SLC23A2: variants seen among roughly 807,000 people sequenced by gnomAD.
The protein encoded by SLC23A2 is Na(+)/L-ascorbic acid transporter 2.
Under a neutral mutation model 73.3 loss-of-function variants are expected in SLC23A2, and 36 were observed. The observed-to-expected ratio is 0.49, with a 90% confidence interval of 0.38 to 0.65. The LOEUF (loss-of-function observed/expected upper bound fraction) is 0.65. SLC23A2 is among the 30% of genes least tolerant of loss of function. The pLI, the probability that SLC23A2 is intolerant of heterozygous loss-of-function variation, is 0.00. For synonymous variants in SLC23A2, 343 were observed against 327.3 expected (o/e 1.05, Z -0.52); for missense variants, 507 against 841.6 (o/e 0.60, Z 4.92).
At chr20:4,879,557 T>C (rs1306064052) in intron 9 of SLC23A2, among the ~76,000 whole-genome samples, 1 of 151,908 alleles carries the variant, frequency 6.6e-6, no homozygotes, top group East Asian at 1.9e-4. Context: ...AAATCTACCC[T>C]GTAGTCCCAG....
At chr20:4,905,909 T>G (rs1483247638) in intron 4 of SLC23A2, among the ~76,000 whole-genome samples, 1 of 152,254 alleles carries the variant, frequency 6.6e-6, no homozygotes, top group Non-Finnish European at 1.5e-5. Context: ...CAAATTTGGC[T>G]TGCCAACCCC....
At position 4,943,698 on chromosome 20, in the gene SLC23A2, T is replaced by C. The variant is rs960338331; in HGVS notation, c.-154-10982A>G. Among the ~76,000 whole-genome samples the C allele has an allele frequency of 2.0e-5, 3 of 149,068 alleles. 1 individual carries two copies. The highest frequency in any genetic ancestry group is 4.4e-5 in the Non-Finnish European group (3 of 67,510). Reference sequence around the variant, plus strand: ...TCAAAAAAAAAAAAAAAAAGACAGATTTCTTTCACACAAATACATGTAAGA... The same window carrying C: ...TCAAAAAAAAAAAAAAAAAGACAGACTTCTTTCACACAAATACATGTAAGA... On this transcript the variant is annotated intron_variant, in intron 2 of 16. Coordinates refer to ENST00000338244, the MANE Select transcript of SLC23A2 (RefSeq NM_005116.6).
At chr20:4,925,737 T>C (rs1932649814) in intron 3 of SLC23A2, among the ~76,000 whole-genome samples, 1 of 152,156 alleles carries the variant, frequency 6.6e-6, no homozygotes, top group Admixed American at 6.5e-5. Flanking sequence ...GCACTAAACT[T>C]GCGCCCCAAG....
At chr20:4,997,792 T>TTTTTA (rs58117784) in intron 1 of SLC23A2, among the ~76,000 whole-genome samples, 50,740 of 150,208 alleles carry the variant, frequency 0.34, 8,855 homozygotes, top group Admixed American at 0.39. Context: ...TCCAGCGAAT[T>TTTTTA]TTTTATTTTA....
At chr20:4,939,053 G>A (rs2087002821) in intron 2 of SLC23A2, among the ~76,000 whole-genome samples, 1 of 152,032 alleles carries the variant, frequency 6.6e-6, no homozygotes, top group South Asian at 2.1e-4. Flanking sequence ...AACAACCTGG[G>A]CAAGATAGCA....
chr20:4,986,201 C>A (rs2087823361), intron 1 of SLC23A2, among the ~76,000 whole-genome samples: 1 of 152,112 alleles, frequency 6.6e-6, no homozygotes, highest in Non-Finnish European at 1.5e-5. Flanking sequence ...GATGCAGTGG[C>A]TCATGCCTAT....
chr20:4,961,289 G>A (rs1028549802), intron 2 of SLC23A2, among the ~76,000 whole-genome samples: 1 of 151,930 alleles, frequency 6.6e-6, no homozygotes, highest in Non-Finnish European at 1.5e-5. Context: ...CACCTTGTTA[G>A]CCAGGATGGT....
chr20:4,897,316 A>G (rs745365938), intron 6 of SLC23A2, among the ~76,000 whole-genome samples: 56 of 152,238 alleles, frequency 3.7e-4, no homozygotes, highest in Admixed American at 8.5e-4. Context: ...TGACGTGATT[A>G]GAGTCAGCAC....
At chr20:4,972,132 C>G (rs1300627008) in intron 1 of SLC23A2, among the ~76,000 whole-genome samples, 1 of 152,194 alleles carries the variant, frequency 6.6e-6, no homozygotes, top group East Asian at 1.9e-4. Context: ...CCATCCCAGC[C>G]CCAGCCATGA....
At position 4,947,367 on chromosome 20, in the gene SLC23A2, G is replaced by A. The variant is rs538856984; in HGVS notation, c.-154-14651C>T. Among the ~76,000 whole-genome samples, 2 of 152,306 alleles carry A rather than the reference G, an allele frequency of 1.3e-5. No homozygotes were observed. The highest frequency in any genetic ancestry group is 4.1e-4 in the South Asian group (2 of 4,824). On this transcript the variant is annotated intron_variant, in intron 2 of 16. Coordinates refer to ENST00000338244, the MANE Select transcript of SLC23A2 (RefSeq NM_005116.6). This position sits in a 1 kb window ranked among gnomAD's most constrained non-coding sequence, Gnocchi z 4.4. The stretch of plus-strand genomic sequence containing the variant: ...TGAATGTACATTTTAGCAAACTAAA[G>A]CAGAACAAAGATGAGTTTTATTGCA...
At position 4,863,921 on chromosome 20, in the gene SLC23A2, C is replaced by T. The variant is rs1930086161; in HGVS notation, c.1357-1014G>A. On this transcript the variant is annotated intron_variant, in intron 13 of 16. Coordinates refer to ENST00000338244, the MANE Select transcript of SLC23A2 (RefSeq NM_005116.6). This position sits in a 1 kb window ranked among gnomAD's most constrained non-coding sequence, Gnocchi z 4.8. ...TCTGCTACTCCTGATCTCTGCCTCC[C>T]AGCAGCTTCTGTCTAGCCTGCTGTC... 6.6e-6 allele frequency among the ~76,000 whole-genome samples: 1 copy of T among 152,228 alleles called. No homozygotes were observed. The highest frequency in any genetic ancestry group is 6.5e-5 in the Admixed American group (1 of 15,288).
chr20:4,935,446 A>G (rs2086947500), intron 2 of SLC23A2, among the ~76,000 whole-genome samples: 1 of 152,170 alleles, frequency 6.6e-6, no homozygotes, highest in Non-Finnish European at 1.5e-5. Context: ...TAATAAGGAT[A>G]TGAAACTCTA....
intron 2 of SLC23A2, among the ~76,000 whole-genome samples, chr20:4,962,146 T>TA (rs11407994): frequency 0.39 from 59,017 of 149,756 alleles, 11,914 homozygotes; most frequent in Admixed American, 0.47. Context: ...GATATTATTT[T>TA]AAAAAAAAAA....
rs145942780 is a variant in SLC23A2, at chr20:4,914,335, T to C, written c.109-1357A>G. Among the ~76,000 whole-genome samples, 25 of 151,986 alleles carry C rather than the reference T, an allele frequency of 1.6e-4. 1 individual carries two copies. In the East Asian group the frequency reaches 4.8e-3, roughly 29 times the overall value. ...TCATAGAAGAAAAACATATATACAA[T>C]AAAACACATGAAAAGCTGTTCCATA... On this transcript the variant is annotated intron_variant, in intron 3 of 16. Coordinates refer to ENST00000338244, the MANE Select transcript of SLC23A2 (RefSeq NM_005116.6).
Position 4,992,501 on chromosome 20 carries a change from CAG to C in SLC23A2, c.-282+8903_-282+8904del, listed in dbSNP as rs1386785443. Among the ~76,000 whole-genome samples, 31 of 109,978 alleles carry C rather than the reference CAG, an allele frequency of 2.8e-4. No individual in the cohort carries two copies. In the East Asian group the frequency reaches 8.9e-3, roughly 31 times the overall value. The allele number at this position is 109,978 out of a possible 152,430, so 72.1% of individuals were successfully genotyped here. ...GCCATGGGAAATAAAAAAAGATTGACAGTTTTTTTTTTTTTTTTTTTTTGGAG... is the reference window on the plus strand; with the variant it reads ...GCCATGGGAAATAAAAAAAGATTGACTTTTTTTTTTTTTTTTTTTTTGGAG... On this transcript the variant is annotated intron_variant, in intron 1 of 16. Transcript: ENST00000338244.
chr20:4,917,738 G>C (rs1376338514), intron 3 of SLC23A2, among the ~76,000 whole-genome samples: 1 of 152,290 alleles, frequency 6.6e-6, no homozygotes, highest in Middle Eastern at 3.4e-3. Context: ...GCCCAGCTGA[G>C]ATGTAGCTCT....
chr20:4,858,860 C>T (rs1048454092), intron 16 of SLC23A2, among the ~76,000 whole-genome samples: 1 of 152,168 alleles, frequency 6.6e-6, no homozygotes, highest in South Asian at 2.1e-4. Flanking sequence ...TCTTAGTTGG[C>T]TGGAAGCCCA....
intron 2 of SLC23A2, among the ~76,000 whole-genome samples, chr20:4,944,715 A>G (rs981740759): frequency 6.6e-6 from 1 of 152,236 alleles, no homozygotes. Context: ...AAGGACACTC[A>G]AAACCTCAGC....
chr20:4,879,104 C>T (rs933778468), intron 9 of SLC23A2, among the ~76,000 whole-genome samples: 16 of 152,116 alleles, frequency 1.1e-4, no homozygotes, highest in South Asian at 2.1e-4. Flanking sequence ...GTTTATCTTA[C>T]GCATAAAGAT....
Sources: allele counts gnomAD v4.1 joint callset (sites outside exome capture counted in the v4.1 genomes callset), GRCh38; gene constraint gnomAD v4.1.1; non-coding constraint Gnocchi (gnomAD v3.1); transcripts MANE v1.5; gene names NCBI Gene and HGNC (gene_info 2026-07-23, HGNC 2026-07-21).